Variants in PIEZO1 observed in about 807,000 individuals in gnomAD.
PIEZO1 encodes the protein piezo-type mechanosensitive ion channel component 1.
PIEZO1 carries 296 observed loss-of-function variants against 297.2 expected under a neutral mutation model. The ratio of observed to expected loss-of-function variants is 1.00; its 90% CI spans 0.91 to 1.10. The LOEUF (loss-of-function observed/expected upper bound fraction) is 1.10, where lower values mean the gene tolerates loss of function less well. Among genes scored for constraint, PIEZO1 ranks in the 50% least tolerant of loss-of-function variants. The pLI is 0.00. For synonymous variants in PIEZO1, 2,427 were observed against 1,507.5 expected (o/e 1.61, Z -14.13); for missense variants, 5,018 against 3,455.5 (o/e 1.45, Z -11.34).
At chr16:88,736,537 G>A (rs534034865) in intron 11 of PIEZO1, 102 bp downstream of exon 11, 30 of 601,340 alleles carry the variant, frequency 5.0e-5, no homozygotes, top group African/African-American at 2.6e-4. Context: ...ACACCTGCGC[G>A]GCAGAGGGGG....
rs771425390 is a variant in PIEZO1 at position 88,722,812 on chromosome 16, G to T, written c.4668+25C>A. 43 of 1,540,340 alleles carry T rather than the reference G, an allele frequency of 2.8e-5. No homozygotes were observed. In the East Asian group the frequency reaches 9.3e-4, roughly 33 times the overall value. On this transcript the variant is annotated intron_variant, in intron 34 of 50. Transcript: ENST00000301015. ...GGGCGTAGTCAGGCAGAGCAGGGAC[G>T]AGCGTGGTGCACGGGCAGGCTCACC...
rs534199798 is a variant in PIEZO1, at chr16:88,753,947, G to C, written c.65-4468C>G. Among the ~76,000 whole-genome samples the C allele has an allele frequency of 2.2e-3, 333 of 152,334 alleles. 3 individuals are homozygous for C. The highest frequency in any genetic ancestry group is 7.8e-3 in the African/African-American group (324 of 41,580). On this transcript the variant is annotated intron_variant, in intron 1 of 50. Transcript: ENST00000301015. ...GGGGCCTGAGACAATCCAAGGAGCGGGGACAGGAGCCTGCCCTGCCCTGTG... is the reference window on the plus strand; with the variant it reads ...GGGGCCTGAGACAATCCAAGGAGCGCGGACAGGAGCCTGCCCTGCCCTGTG...
Position 88,715,502 on chromosome 16 carries a change from C to T in PIEZO1, c.*103G>A. 1 of 1,238,936 alleles carries T rather than the reference C, an allele frequency of 8.1e-7. No individual in the cohort carries two copies. The highest frequency in any genetic ancestry group is 1.4e-5 in the South Asian group (1 of 70,042). The allele number at this position is 1,238,936 out of a possible 1,614,324, so 76.7% of individuals were successfully genotyped here. On this transcript the variant is annotated 3_prime_UTR_variant, in exon 51 of 51. Transcript: ENST00000301015. Reference sequence around the variant, plus strand: ...CGGGAGGATGCATCACAGCTGGCGGCCTTGGACGGGGCAGTGGCTCCCCCG... The same window carrying T: ...CGGGAGGATGCATCACAGCTGGCGGTCTTGGACGGGGCAGTGGCTCCCCCG...
At chr16:88,728,430 T>C (rs1284063637) in intron 22 of PIEZO1, among the ~76,000 whole-genome samples, 264 of 117,594 alleles carry the variant, frequency 2.2e-3, no homozygotes, top group Middle Eastern at 4.8e-3. Flanking sequence ...CATGCTGAAC[T>C]CACAGCCCCA....
chr16:88,751,169 C>T (rs1034669169), intron 1 of PIEZO1, among the ~76,000 whole-genome samples: 10 of 152,292 alleles, frequency 6.6e-5, no homozygotes, highest in African/African-American at 2.2e-4. Flanking sequence ...CCCCAAGACC[C>T]GAGCCTCACC....
Position 88,785,125 on chromosome 16 carries a change from G to A in PIEZO1, c.-161C>T, listed in dbSNP as rs1908124891. The A allele has an allele frequency of 8.2e-6, 3 of 365,766 alleles. No individual in the cohort carries two copies. Among genetic ancestry groups the A allele is most frequent in the South Asian group, 1.3e-4 (1 of 7,622 alleles). The allele number at this position is 365,766 out of a possible 1,614,324, so 22.7% of individuals were successfully genotyped here. A position where few individuals can be genotyped will look rare whatever the true frequency, so the allele number is the denominator to read the frequency against. On this transcript the variant is annotated 5_prime_UTR_variant, in exon 1 of 51. The change creates a new upstream start codon in the 5' untranslated region. Coordinates refer to ENST00000301015, the MANE Select transcript of PIEZO1 (RefSeq NM_001142864.4). ...CTTCGGCCGCCCCGCCGGTGCCGAC[G>A]TCCCGGGCCCGCGCTCGCTCAGGCG... is the stretch of plus-strand genomic sequence containing the variant.
At position 88,742,089 on chromosome 16, in the gene PIEZO1, C is replaced by A. The variant is rs575964090; in HGVS notation, c.290G>T (p.Arg97Leu). Reference sequence around the variant, plus strand: ...TATGTGTCGCGAGAGGGTCTCCCAGCGGCTGCCTGCAGAGAAAGACGGGGG... The same window carrying A: ...TATGTGTCGCGAGAGGGTCTCCCAGAGGCTGCCTGCAGAGAAAGACGGGGG... ...LDQLLGPSCS[R>L]WETLSRHIGV... is the part of the protein sequence containing the mutation. The change falls in exon 4 of 51, where the codon CGC (arginine) becomes CTC (leucine). Residue 97 changes from arginine to leucine, a missense_variant. Physicochemically the swap from Arg to Leu is moderately radical, Grantham distance 102. Coordinates refer to ENST00000301015, the MANE Select transcript of PIEZO1 (RefSeq NM_001142864.4). 6.5e-7 allele frequency: 1 copy of A among 1,535,770 alleles called. No individual in the cohort carries two copies. Among genetic ancestry groups the A allele is most frequent in the East Asian group, 2.4e-5 (1 of 40,916 alleles).
chr16:88,732,969 C>G (rs1018989787), intron 19 of PIEZO1: 3 of 584,462 alleles, frequency 5.1e-6, no homozygotes, highest in East Asian at 2.9e-5. Context: ...GAGGGATGTG[C>G]GAGAAGGTCC....
chr16:88,735,373 G>C, intron 12 of PIEZO1, 127 bp from the exon 13 acceptor site: 1 of 679,210 alleles, frequency 1.5e-6, no homozygotes, highest in Non-Finnish European at 2.7e-6. Flanking sequence ...CCCATCCACC[G>C]CAGCCTCCCC....
chr16:88,717,909 C>A, intron 44 of PIEZO1: 2 of 392,848 alleles, frequency 5.1e-6, no homozygotes, highest in Non-Finnish European at 9.8e-6. Context: ...GAGTTTGAGA[C>A]GAACCTGGCC....
chr16:88,761,605 TG>T (rs1906936207), intron 1 of PIEZO1, among the ~76,000 whole-genome samples: 1 of 152,088 alleles, frequency 6.6e-6, no homozygotes. Context: ...CCCATCTTCA[TG>T]GTACTTGGGG....
intron 35 of PIEZO1, 77 bp downstream of exon 35, chr16:88,722,506 G>T: frequency 7.0e-7 from 1 of 1,426,726 alleles, no homozygotes; most frequent in Non-Finnish European, 9.3e-7. Flanking sequence ...ACAAGGGAAT[G>T]GCGAGGGTCG....
chr16:88,754,025 G>A (rs1906530426), intron 1 of PIEZO1, among the ~76,000 whole-genome samples: 1 of 152,224 alleles, frequency 6.6e-6, no homozygotes, highest in African/African-American at 2.4e-5. Context: ...ACCCCGTGGG[G>A]GTAATGCCTT....
chr16:88,755,369 G>C (rs1437422129), intron 1 of PIEZO1, among the ~76,000 whole-genome samples: 1 of 152,144 alleles, frequency 6.6e-6, no homozygotes, highest in African/African-American at 2.4e-5. Flanking sequence ...TGGCATTCAC[G>C]TGCAGGAAAG....
At position 88,720,138 on chromosome 16, in the gene PIEZO1, G is replaced by T. The variant is rs1567659946; in HGVS notation, c.6095C>A (p.Ala2032Asp). The change falls in exon 42 of 51, where the codon GCC (alanine) becomes GAC (aspartate). Residue 2032 changes from alanine to aspartate, a missense_variant. Coordinates refer to ENST00000301015, the MANE Select transcript of PIEZO1 (RefSeq NM_001142864.4). Reference protein sequence around the residue: ...YLRKTVLGKLAFQVALVLAIH... With the variant: ...YLRKTVLGKLDFQVALVLAIH... Reference sequence around the variant, plus strand: ...GGCCAGCACCAGCGCCACCTGGAAGGCCAGCTTGCCCAGCACGGTCTTGCG... The same window carrying T: ...GGCCAGCACCAGCGCCACCTGGAAGTCCAGCTTGCCCAGCACGGTCTTGCG... The T allele has an allele frequency of 6.4e-7, 1 of 1,550,456 alleles. No homozygotes were observed. The highest frequency in any genetic ancestry group is 8.7e-7 in the Non-Finnish European group (1 of 1,146,986).
chr16:88,777,065 C>T (rs1413289191), intron 1 of PIEZO1, among the ~76,000 whole-genome samples: 2 of 151,436 alleles, frequency 1.3e-5, no homozygotes, highest in African/African-American at 2.4e-5. Context: ...CTCCGTCTCC[C>T]GGATTCAAGT....
chr16:88,721,777 G>A (rs902951041), intron 37 of PIEZO1, 31 bp downstream of exon 37: 24 of 1,535,768 alleles, frequency 1.6e-5, no homozygotes, highest in Middle Eastern at 3.5e-4. Flanking sequence ...GCGGTGGGCC[G>A]GGCGCCCCCT....
Position 88,726,385 on chromosome 16 carries a change from G to T in PIEZO1, c.3867C>A (p.Ser1289Arg), listed in dbSNP as rs780188942. 5 of 1,550,266 alleles carry T rather than the reference G, an allele frequency of 3.2e-6. No individual in the cohort carries two copies. Among genetic ancestry groups the T allele is most frequent in the Non-Finnish European group, 4.4e-6 (5 of 1,146,858 alleles). The change falls in exon 27 of 51, where the codon AGC becomes AGA. Residue 1289 changes from serine to arginine, a missense_variant. By Grantham distance (110) the Ser-to-Arg change is moderately radical. Transcript: ENST00000301015. ...GCAGCAGCAGGAAGAAGAAGCAGAC[G>T]CTGTCCCAGATGATGCCAGCCTCCT... is the stretch of plus-strand genomic sequence containing the variant. ...PVEEAGIIWD[S>R]VCFFFLLLQR...
At position 88,727,148 on chromosome 16, in the gene PIEZO1, A is replaced by C; in HGVS notation, c.3346T>G (p.Phe1116Val). The C allele has an allele frequency of 6.5e-7, 1 of 1,549,128 alleles. No homozygotes were observed. The highest frequency in any genetic ancestry group is 8.7e-7 in the Non-Finnish European group (1 of 1,146,202). Residue 1116 changes from phenylalanine to valine, a missense_variant, in exon 24 of 51, where the codon TTC (phenylalanine) becomes GTC (valine). By Grantham distance (50) the Phe-to-Val change is conservative. Coordinates refer to ENST00000301015, the MANE Select transcript of PIEZO1 (RefSeq NM_001142864.4). The stretch of plus-strand genomic sequence containing the variant: ...CACTCCTCTGTGCGCTCAGCTGAGA[A>C]CACCTGCCACTGCTGGGAGGCGCAC... Reference protein sequence around the residue: ...LLCASQQWQVFSAERTEEWQR... With the variant: ...LLCASQQWQVVSAERTEEWQR...
Sources: gnomAD v4.1 joint callset for allele counts (sites outside exome capture counted in the v4.1 genomes callset) on GRCh38, gnomAD v4.1.1 for gene constraint, MANE v1.5 for transcripts, NCBI Gene and HGNC (gene_info 2026-07-23, HGNC 2026-07-21) for gene names.